ATXN7L1: variants seen among roughly 807,000 people sequenced by gnomAD.
The protein encoded by ATXN7L1 is ataxin 7 like 1, also known as ataxin-7-like protein 1.
ATXN7L1 carries 15 observed loss-of-function variants against 70.8 expected under a neutral mutation model. The observed-to-expected ratio is 0.21, with a 90% CI of 0.14 to 0.33. The LOEUF (loss-of-function observed/expected upper bound fraction) is 0.33. ATXN7L1 is among the 10% of genes least tolerant of loss of function. The probability of loss-of-function intolerance (pLI) is 1.00; values close to 1 mark genes in which losing one functional copy is unlikely to be tolerated. For missense variants in ATXN7L1, 975 were observed against 1,097.1 expected (o/e 0.89, Z 1.57); for synonymous variants, 440 against 445.1 (o/e 0.99, Z 0.14).
chr7:105,741,583 C>T (rs188873438), intron 3 of ATXN7L1, among the ~76,000 whole-genome samples: 2 of 152,110 alleles, frequency 1.3e-5, no homozygotes, highest in African/African-American at 2.4e-5. Flanking sequence ...GGTGATGGAT[C>T]GGCCAGCTGG....
chr7:105,633,066 A>G (rs189359752), intron 7 of ATXN7L1, among the ~76,000 whole-genome samples: 13 of 152,270 alleles, frequency 8.5e-5, no homozygotes, highest in African/African-American at 3.1e-4. Flanking sequence ...AAAATTTTCA[A>G]TGTTACAAGT....
intron 4 of ATXN7L1, among the ~76,000 whole-genome samples, chr7:105,646,122 G>A (rs1017547868): frequency 1.3e-5 from 2 of 151,318 alleles, no homozygotes; most frequent in African/African-American, 4.9e-5. Flanking sequence ...GACCAGCCCG[G>A]GCAACATAGC....
At chr7:105,740,088 C>T (rs980143191) in intron 3 of ATXN7L1, among the ~76,000 whole-genome samples, 3 of 152,120 alleles carry the variant, frequency 2.0e-5, no homozygotes, top group African/African-American at 7.2e-5. Flanking sequence ...TTCAAATGTA[C>T]CACTCTGCTG....
intron 2 of ATXN7L1, among the ~76,000 whole-genome samples, chr7:105,848,314 G>C (rs1814369246): frequency 6.6e-6 from 1 of 152,016 alleles, no homozygotes; most frequent in African/African-American, 2.4e-5. Context: ...TATTTCTAGA[G>C]GGCAATTTAG....
Position 105,655,665 on chromosome 7 carries a change from C to T in ATXN7L1, c.578+9401G>A, listed in dbSNP as rs1800510584. ...GTCTTGCCCCCAGTTCACGCCAGCA[C>T]CAGGCAGGAAGAGATAAGCCGCCCA... On this transcript the variant is annotated intron_variant, in intron 4 of 11. Transcript: ENST00000419735. Among the ~76,000 whole-genome samples, 4 of 152,330 alleles carry T rather than the reference C, an allele frequency of 2.6e-5. No individual in the cohort carries two copies. In the South Asian group the frequency reaches 8.3e-4, roughly 32 times the overall value.
chr7:105,726,668 A>G (rs1215184516), intron 3 of ATXN7L1, among the ~76,000 whole-genome samples: 2 of 152,218 alleles, frequency 1.3e-5, no homozygotes, highest in South Asian at 2.1e-4. Context: ...TCCAGCCCTT[A>G]GGAGATGATC....
intron 3 of ATXN7L1, among the ~76,000 whole-genome samples, chr7:105,688,860 G>A (rs1790347687): frequency 6.6e-6 from 1 of 152,204 alleles, no homozygotes; most frequent in African/African-American, 2.4e-5. Context: ...GTCATAGTCT[G>A]GGAGTGATCA....
intron 3 of ATXN7L1, among the ~76,000 whole-genome samples, chr7:105,768,715 C>A (rs74768066): frequency 0.1 from 15,618 of 152,156 alleles, 1,263 homozygotes; most frequent in East Asian, 0.27. Flanking sequence ...TCTGGCCAAG[C>A]AATGAAAGGG....
chr7:105,726,640 T>A (rs149915006), intron 3 of ATXN7L1, among the ~76,000 whole-genome samples: 2 of 152,182 alleles, frequency 1.3e-5, no homozygotes, highest in African/African-American at 4.8e-5. Context: ...GTGTCCAGTA[T>A]GGCAAAGGGC....
intron 7 of ATXN7L1, among the ~76,000 whole-genome samples, chr7:105,627,398 C>T (rs76880988): frequency 0.029 from 4,483 of 152,084 alleles, 96 homozygotes; most frequent in South Asian, 0.061. Context: ...CAGTATCTGG[C>T]TAATTTTAAA....
chr7:105,788,369 G>A (rs917114370), intron 3 of ATXN7L1: 35 of 505,520 alleles, frequency 6.9e-5, no homozygotes, highest in East Asian at 1.3e-4. Flanking sequence ...TAGTCCCATC[G>A]ACCGAGACAA....
intron 3 of ATXN7L1, among the ~76,000 whole-genome samples, chr7:105,781,631 G>T (rs766206701): frequency 6.6e-6 from 1 of 152,060 alleles, no homozygotes; most frequent in Non-Finnish European, 1.5e-5. Context: ...AATCTCTGTA[G>T]CTTATCCCTC....
intron 10 of ATXN7L1, among the ~76,000 whole-genome samples, chr7:105,612,242 C>T (rs1562884103): frequency 6.6e-6 from 1 of 152,234 alleles, no homozygotes; most frequent in Non-Finnish European, 1.5e-5. Flanking sequence ...CCTTGCTTAA[C>T]CCTCCTGTGC....
intron 2 of ATXN7L1, among the ~76,000 whole-genome samples, chr7:105,848,988 T>TG (rs1814482649): frequency 6.6e-6 from 1 of 152,194 alleles, no homozygotes; most frequent in African/African-American, 2.4e-5. Context: ...GTGGATCACT[T>TG]GGTCTCCTCA....
At chr7:105,705,687 GCA>G (rs1438862415) in intron 3 of ATXN7L1, among the ~76,000 whole-genome samples, 2 of 152,148 alleles carry the variant, frequency 1.3e-5, no homozygotes, top group Non-Finnish European at 2.9e-5. Flanking sequence ...GTGGCTTGGT[GCA>G]CAGTGTTCTT....
At chr7:105,788,382 T>G in intron 3 of ATXN7L1, 6 of 525,312 alleles carry the variant, frequency 1.1e-5, no homozygotes, top group South Asian at 4.7e-5. Context: ...CGAGACAAGT[T>G]GCAGGTTTTC....
intron 3 of ATXN7L1, among the ~76,000 whole-genome samples, chr7:105,744,688 C>T (rs1014186779): frequency 1.3e-5 from 2 of 150,272 alleles, no homozygotes; most frequent in African/African-American, 4.9e-5. Context: ...TGAAGAGACA[C>T]AACAACTAAA....
chr7:105,875,054 T>C (rs1366378420), intron 2 of ATXN7L1: 1 of 152,618 alleles, frequency 6.6e-6, no homozygotes, highest in African/African-American at 2.4e-5. Context: ...TTGCTCCATT[T>C]GAAGCCCATA....
At chr7:105,841,743 T>G (rs1024564257) in intron 2 of ATXN7L1, among the ~76,000 whole-genome samples, 2 of 152,204 alleles carry the variant, frequency 1.3e-5, no homozygotes, top group Admixed American at 1.3e-4. Flanking sequence ...GTTATTATTG[T>G]TAATCTCTTA....
Sources: gnomAD v4.1 joint callset for allele counts (sites outside exome capture counted in the v4.1 genomes callset) on GRCh38, gnomAD v4.1.1 for gene constraint, MANE v1.5 for transcripts, NCBI Gene and HGNC (gene_info 2026-07-23, HGNC 2026-07-21) for gene names.